ELMOD2: variants seen among roughly 807,000 people sequenced by gnomAD.
ELMOD2 encodes the protein ELMO domain containing 2, also known as ELMO domain-containing protein 2.
In ELMOD2, 28 loss-of-function variants were observed where a neutral mutation model predicts 41.0. The observed-to-expected ratio is 0.68, with a 90% CI of 0.51 to 0.94. ELMOD2 has a LOEUF of 0.94. ELMOD2 is among the 40% of genes least tolerant of loss of function. ELMOD2 has a pLI of 0.00. For missense variants in ELMOD2, 333 were observed against 343.1 expected, an observed-to-expected ratio of 0.97 and a Z score of 0.23; for synonymous variants, 106 against 107.2, an observed-to-expected ratio of 0.99 and a Z score of 0.07.
At chr4:140,533,434 C>T (rs1463317551) in intron 3 of ELMOD2, among the ~76,000 whole-genome samples, 1 of 152,100 alleles carries the variant, frequency 6.6e-6, no homozygotes, top group East Asian at 1.9e-4. Flanking sequence ...ATAAATAGTG[C>T]TGGAACAACT....
intron 1 of ELMOD2, 91 bp from the exon 2 acceptor site, chr4:140,525,329 A>T: frequency 7.6e-7 from 1 of 1,313,378 alleles, no homozygotes; most frequent in South Asian, 1.5e-5. Context: ...ATAGATACAT[A>T]ATTTGAGATT....
chr4:140,535,919 G>A (rs1192416479), intron 4 of ELMOD2, 89 bp downstream of exon 4: 3 of 1,213,986 alleles, frequency 2.5e-6, no homozygotes, highest in Non-Finnish European at 3.4e-6. Flanking sequence ...CTTTAGAGCT[G>A]AAGGGTTTGT....
Position 140,551,825 on chromosome 4 carries a change from GAC to G in ELMOD2, c.*1452_*1453del, listed in dbSNP as rs957494824. On this transcript the variant is annotated 3_prime_UTR_variant, in exon 9 of 9. Transcript: ENST00000323570. ...TTCAAACTTGTTAGAAGAGTGGTAA[GAC>G]ATATCCAATTGGAAAATAAGATGCA... 1 of 151,996 alleles carries G rather than the reference GAC, an allele frequency of 6.6e-6. No individual in the cohort carries two copies. The highest frequency in any genetic ancestry group is 2.4e-5 in the African/African-American group (1 of 41,416). 9.4% of individuals were successfully genotyped at this position (151,996 alleles called of 1,614,324 possible). A position where few individuals can be genotyped will look rare whatever the true frequency, so the allele number is the denominator to read the frequency against.
At position 140,550,364 on chromosome 4, in the gene ELMOD2, TTAAAAG is replaced by T. The variant is rs775244693; in HGVS notation, c.874_879del (p.Lys292_Val293del). 3.1e-6 allele frequency: 5 copies of T among 1,601,882 alleles called. No individual in the cohort carries two copies. The East Asian group carries it at 1.1e-4, about 36-fold the overall frequency. On this transcript the variant is annotated inframe_deletion, in exon 9 of 9. Coordinates refer to ENST00000323570, the MANE Select transcript of ELMOD2 (RefSeq NM_153702.4). ...ACTGGATTGTAATGTAGCACTTACTTTAAAAGTATAAATCATCCACTGTATCTTCTA... is the reference window on the plus strand; with the variant it reads ...ACTGGATTGTAATGTAGCACTTACTTTATAAATCATCCACTGTATCTTCTA...
At chr4:140,536,116 A>G (rs986716955) in intron 4 of ELMOD2, among the ~76,000 whole-genome samples, 3 of 152,084 alleles carry the variant, frequency 2.0e-5, no homozygotes, top group East Asian at 3.9e-4. Flanking sequence ...TTTGGCTACT[A>G]TGTCTTTTGA....
chr4:140,548,862 C>G (rs1735376192), intron 8 of ELMOD2, among the ~76,000 whole-genome samples: 1 of 152,032 alleles, frequency 6.6e-6, no homozygotes, highest in Non-Finnish European at 1.5e-5. Context: ...TTTTTAACAG[C>G]TTTGTTAAGG....
intron 6 of ELMOD2, 95 bp downstream of exon 6, chr4:140,540,396 T>G: frequency 2.7e-6 from 4 of 1,459,102 alleles, no homozygotes; most frequent in Non-Finnish European, 3.7e-6. Flanking sequence ...AGTTGATTCA[T>G]ACTATCTCTG....
At chr4:140,535,970 C>A in intron 4 of ELMOD2, 140 bp downstream of exon 4, 1 of 733,766 alleles carries the variant, frequency 1.4e-6, no homozygotes, top group Non-Finnish European at 2.1e-6. Context: ...ACAAGAGGAG[C>A]AGTTGAGATC....
chr4:140,541,937 G>A (rs188909617), intron 6 of ELMOD2, among the ~76,000 whole-genome samples: 358 of 151,970 alleles, frequency 2.4e-3, no homozygotes, highest in African/African-American at 8.4e-3. Flanking sequence ...TTATCCTCAC[G>A]TGAGCATCTA....
intron 3 of ELMOD2, among the ~76,000 whole-genome samples, chr4:140,532,758 T>A (rs906473028): frequency 1.3e-5 from 2 of 152,162 alleles, no homozygotes; most frequent in South Asian, 2.1e-4. Flanking sequence ...AGCATCATAC[T>A]AGAGATCCTA....
At chr4:140,536,296 A>G (rs1734923794) in intron 4 of ELMOD2, among the ~76,000 whole-genome samples, 1 of 152,200 alleles carries the variant, frequency 6.6e-6, no homozygotes, top group South Asian at 2.1e-4. Flanking sequence ...CCATAAGAAG[A>G]GGACTTATCC....
rs1392371950 is a variant in ELMOD2 at position 140,552,569 on chromosome 4, G to A, written c.*2194G>A. The A allele has an allele frequency of 6.6e-6, 1 of 151,992 alleles. No individual in the cohort carries two copies. The highest frequency in any genetic ancestry group is 2.4e-5 in the African/African-American group (1 of 41,430). 9.4% of individuals were successfully genotyped at this position (151,992 alleles called of 1,614,324 possible). On this transcript the variant is annotated 3_prime_UTR_variant, in exon 9 of 9. Coordinates refer to ENST00000323570, the MANE Select transcript of ELMOD2 (RefSeq NM_153702.4). ...TCAGACTCATGACAATGATATACAT[G>A]AAAACAAAAATATAATTGTGTCTAC... is the stretch of plus-strand genomic sequence containing the variant.
chr4:140,547,065 TTTC>T (rs1186008530), intron 8 of ELMOD2, among the ~76,000 whole-genome samples: 1 of 152,174 alleles, frequency 6.6e-6, no homozygotes, highest in African/African-American at 2.4e-5. Flanking sequence ...AGGTTCTGCT[TTTC>T]TTCTTAAGAG....
intron 3 of ELMOD2, among the ~76,000 whole-genome samples, chr4:140,533,624 CTT>C (rs1241037157): frequency 6.6e-6 from 1 of 152,094 alleles, no homozygotes; most frequent in East Asian, 1.9e-4. Flanking sequence ...AAAAGTTAAA[CTT>C]CATCAAAATA....
chr4:140,542,296 G>T (rs1050309070), intron 6 of ELMOD2: 11 of 196,588 alleles, frequency 5.6e-5, no homozygotes, highest in African/African-American at 2.4e-4. Flanking sequence ...AACTTTGGTT[G>T]TTTTTTTTTT....
At chr4:140,527,356 G>A in intron 2 of ELMOD2, 110 bp from the exon 3 acceptor site, 1 of 833,628 alleles carries the variant, frequency 1.2e-6, no homozygotes, top group Non-Finnish European at 2.0e-6. Context: ...TATATCTCCT[G>A]GAACTATTAG....
rs1483563791 is a variant in ELMOD2, at chr4:140,552,698, G to C, written c.*2323G>C. The stretch of plus-strand genomic sequence containing the variant: ...CTATAATAATTAGTAAAATGCCAAA[G>C]TAGTGATAGAATATTGTGGCATTGA... On this transcript the variant is annotated 3_prime_UTR_variant, in exon 9 of 9. Coordinates refer to ENST00000323570, the MANE Select transcript of ELMOD2 (RefSeq NM_153702.4). The C allele has an allele frequency of 6.6e-6, 1 of 152,058 alleles. No homozygotes were observed. The highest frequency in any genetic ancestry group is 1.5e-5 in the Non-Finnish European group (1 of 67,964). 9.4% of individuals were successfully genotyped at this position (152,058 alleles called of 1,614,324 possible). A position where few individuals can be genotyped will look rare whatever the true frequency, so the allele number is the denominator to read the frequency against.
At chr4:140,535,521 C>T (rs1734891944) in intron 3 of ELMOD2, 1 of 436,174 alleles carries the variant, frequency 2.3e-6, no homozygotes, top group Non-Finnish European at 4.0e-6. Context: ...AAGCCTTCCT[C>T]TGGTACATCA....
intron 3 of ELMOD2, among the ~76,000 whole-genome samples, chr4:140,530,053 G>A (rs13127699): frequency 1.3e-5 from 2 of 152,106 alleles, no homozygotes; most frequent in African/African-American, 2.4e-5. Context: ...AAAAATAAGA[G>A]GATAAAGAAT....
Sources: allele counts gnomAD v4.1 joint callset (sites outside exome capture counted in the v4.1 genomes callset), GRCh38; gene constraint gnomAD v4.1.1; transcripts MANE v1.5; gene names NCBI Gene and HGNC (gene_info 2026-07-23, HGNC 2026-07-21).